The following ARID4B variants were observed in gnomAD, a reference collection of about 807,000 sequenced individuals.
ARID4B encodes AT-rich interaction domain 4B.
In ARID4B, 26 loss-of-function variants were observed where a neutral mutation model predicts 147.5. That is an observed-to-expected ratio of 0.18 (90% CI 0.13 to 0.24). The LOEUF is 0.24. Among genes scored for constraint, ARID4B ranks in the 10% least tolerant of loss-of-function variants. ARID4B has a pLI of 1.00. For missense variants in ARID4B, 1,179 were observed against 1,511.5 expected (o/e 0.78, Z 3.65); for synonymous variants, 512 against 507.9 (o/e 1.01, Z -0.11).
intron 2 of ARID4B, among the ~76,000 whole-genome samples, chr1:235,312,864 T>C (rs901851115): frequency 2.0e-4 from 30 of 152,100 alleles, no homozygotes; most frequent in African/African-American, 7.0e-4. Context: ...TCCTAGCTAC[T>C]CAGGAGGCTG....
chr1:235,268,366 TAC>T (rs1342372660), intron 2 of ARID4B, among the ~76,000 whole-genome samples: 2 of 120,032 alleles, frequency 1.7e-5, no homozygotes, highest in African/African-American at 6.2e-5. Flanking sequence ...TGTGTATATA[TAC>T]ATACACACAC....
chr1:235,282,462 T>C (rs1671724398), intron 2 of ARID4B, among the ~76,000 whole-genome samples: 1 of 152,172 alleles, frequency 6.6e-6, no homozygotes. Flanking sequence ...GTTGTATGAG[T>C]GTGTCAAACT....
At chr1:235,252,104 A>G (rs1399483820) in intron 6 of ARID4B, among the ~76,000 whole-genome samples, 1 of 152,346 alleles carries the variant, frequency 6.6e-6, no homozygotes. Flanking sequence ...AACACTTATG[A>G]AGTTCATACT....
chr1:235,215,732 A>AGGACACTACAGGTGTCCTTCTTC (rs1376945118), intron 16 of ARID4B, among the ~76,000 whole-genome samples: 6 of 151,672 alleles, frequency 4.0e-5, no homozygotes, highest in East Asian at 1.9e-4. Flanking sequence ...ACAGGCACAC[A>AGGACACTACAGGTGTCCTTCTTC]CCACCACACC....
chr1:235,276,740 A>C (rs200159759), intron 2 of ARID4B, among the ~76,000 whole-genome samples: 1 of 152,116 alleles, frequency 6.6e-6, no homozygotes. Context: ...GCTCATGCCT[A>C]TAATCCCAGC....
At chr1:235,211,698 T>C (rs1571987536) in intron 17 of ARID4B, among the ~76,000 whole-genome samples, 2 of 152,138 alleles carry the variant, frequency 1.3e-5, no homozygotes, top group South Asian at 2.1e-4. Flanking sequence ...CCCACCTCAG[T>C]AGCTGGGACT....
At chr1:235,313,996 A>G (rs927651155) in intron 2 of ARID4B, among the ~76,000 whole-genome samples, 2 of 152,226 alleles carry the variant, frequency 1.3e-5, no homozygotes, top group African/African-American at 4.8e-5. Flanking sequence ...GAATCTGCAC[A>G]TTCTTTCTAC....
chr1:235,302,912 A>G (rs1048995528), intron 2 of ARID4B, among the ~76,000 whole-genome samples: 1 of 150,796 alleles, frequency 6.6e-6, no homozygotes, highest in African/African-American at 2.4e-5. Flanking sequence ...ATTCAGTTTG[A>G]GAGTTTATAT....
intron 16 of ARID4B, among the ~76,000 whole-genome samples, chr1:235,218,370 A>T (rs1667231805): frequency 6.6e-6 from 1 of 152,194 alleles, no homozygotes; most frequent in Admixed American, 6.5e-5. Flanking sequence ...AAAAATTAGC[A>T]AAGAAAAAAA....
Position 235,182,643 on chromosome 1 carries a change from A to G in ARID4B, c.2276T>C (p.Leu759Ser). 6.2e-7 allele frequency: 1 copy of G among 1,613,840 alleles called. No homozygotes were observed. ...ISKEEQNSSS[L>S]LEENKVHADL... is the part of the protein sequence containing the mutation. ...TGCATGAACTTTGTTTTCTTCTAGC[A>G]AAGATGAACTGTTCTGTTCCTCCTT... Residue 759 changes from leucine (L) to serine (S), a missense_variant, in exon 20 of 24, where the codon TTG (leucine) becomes TCG (serine). Transcript: ENST00000264183.
chr1:235,289,064 A>T (rs931902783), intron 2 of ARID4B, among the ~76,000 whole-genome samples: 1 of 152,230 alleles, frequency 6.6e-6, no homozygotes, highest in Non-Finnish European at 1.5e-5. Flanking sequence ...ATAAATGGCC[A>T]AATTCATCCA....
chr1:235,327,091 C>T, intron 1 of ARID4B, 123 bp from the exon 2 acceptor site: 2 of 681,276 alleles, frequency 2.9e-6, no homozygotes, highest in Non-Finnish European at 5.1e-6. Flanking sequence ...AGGCGCCAGC[C>T]CCCGAACCAT....
At chr1:235,200,843 T>A (rs915539799) in intron 17 of ARID4B, among the ~76,000 whole-genome samples, 5 of 152,106 alleles carry the variant, frequency 3.3e-5, no homozygotes, top group Non-Finnish European at 7.4e-5. Context: ...TATCTTGAAT[T>A]TCATAAAAAA....
intron 2 of ARID4B, among the ~76,000 whole-genome samples, chr1:235,285,298 G>A (rs79873204): frequency 0.04 from 6,058 of 152,204 alleles, 449 homozygotes; most frequent in African/African-American, 0.14. Flanking sequence ...TGTAGAAATG[G>A]AGGATTGTTC....
intron 2 of ARID4B, among the ~76,000 whole-genome samples, chr1:235,292,039 A>C (rs1672373626): frequency 1.3e-5 from 2 of 152,244 alleles, no homozygotes; most frequent in African/African-American, 4.8e-5. Flanking sequence ...GTATTTTTTA[A>C]AACTTTTCAG....
At chr1:235,176,486 G>C (rs961795046) in intron 21 of ARID4B, among the ~76,000 whole-genome samples, 2 of 77,508 alleles carry the variant, frequency 2.6e-5, no homozygotes, top group African/African-American at 9.7e-5. Flanking sequence ...AACTCTCAAA[G>C]CCAGAAATTA....
intron 8 of ARID4B, among the ~76,000 whole-genome samples, chr1:235,239,765 A>C (rs1243499457): frequency 6.6e-6 from 1 of 152,218 alleles, no homozygotes; most frequent in Non-Finnish European, 1.5e-5. Flanking sequence ...AAAAATGCAA[A>C]ATATTCAACC....
chr1:235,253,519 C>T (rs1353432286), intron 5 of ARID4B, among the ~76,000 whole-genome samples: 1 of 152,184 alleles, frequency 6.6e-6, no homozygotes, highest in African/African-American at 2.4e-5. Flanking sequence ...AAGTGTTAAG[C>T]AACTTGGCTG....
intron 13 of ARID4B, 39 bp from the exon 14 acceptor site, chr1:235,221,701 G>C: frequency 8.7e-7 from 1 of 1,146,574 alleles, no homozygotes; most frequent in Non-Finnish European, 1.3e-6. Flanking sequence ...CAAATTAAAA[G>C]GTGTTAATAT....
Sources: gnomAD v4.1 joint callset for allele counts (sites outside exome capture counted in the v4.1 genomes callset) on GRCh38, gnomAD v4.1.1 for gene constraint, MANE v1.5 for transcripts, NCBI Gene and HGNC (gene_info 2026-07-23, HGNC 2026-07-21) for gene names.